TENM4: variants seen among roughly 807,000 people sequenced by gnomAD.
The protein encoded by TENM4 is teneurin-4.
Under a neutral mutation model 243.3 loss-of-function variants are expected in TENM4, and 82 were observed. The observed-to-expected ratio is 0.34, with a 90% confidence interval of 0.28 to 0.40. The LOEUF is 0.40. Ranked by LOEUF, TENM4 falls within the 10% of genes least tolerant of loss-of-function variation. The pLI is 1.00. For synonymous variants in TENM4, 1,412 were observed against 1,456.3 expected, an observed-to-expected ratio of 0.97 and a Z score of 0.69; for missense variants, 3,138 against 3,673.3, an observed-to-expected ratio of 0.85 and a Z score of 3.77.
chr11:78,923,204 G>A (rs1405098592), intron 6 of TENM4, among the ~76,000 whole-genome samples: 1 of 152,144 alleles, frequency 6.6e-6, no homozygotes, highest in African/African-American at 2.4e-5. Context: ...CCCGTGTTTG[G>A]TTTGATGGGC....
At chr11:79,196,748 A>C (rs1300788822) in intron 3 of TENM4, among the ~76,000 whole-genome samples, 2 of 152,152 alleles carry the variant, frequency 1.3e-5, no homozygotes, top group African/African-American at 4.8e-5. Context: ...GCTGCTCATC[A>C]AACAGAACAT....
At chr11:78,814,460 A>G (rs1857563561) in intron 12 of TENM4, 65 bp from the exon 13 acceptor site, 2 of 1,425,304 alleles carry the variant, frequency 1.4e-6, no homozygotes, top group South Asian at 2.5e-5. Context: ...GAGCCCAGGA[A>G]TCAAGCTTTA....
intron 1 of TENM4, among the ~76,000 whole-genome samples, chr11:79,379,933 G>T (rs890215622): frequency 1.3e-5 from 2 of 152,150 alleles, no homozygotes; most frequent in Non-Finnish European, 2.9e-5. Context: ...TCAGGGGCTG[G>T]GGGATCAAGA....
At chr11:79,031,255 T>C (rs1360731213) in intron 6 of TENM4, among the ~76,000 whole-genome samples, 3 of 152,152 alleles carry the variant, frequency 2.0e-5, no homozygotes, top group Admixed American at 6.5e-5. Context: ...AATGCCTACA[T>C]ACAGATAATG....
chr11:79,277,979 C>T (rs1297826801), intron 2 of TENM4, among the ~76,000 whole-genome samples: 1 of 152,194 alleles, frequency 6.6e-6, no homozygotes, highest in Non-Finnish European at 1.5e-5. Context: ...TGTCTTGCAA[C>T]TCCTTTCTAC....
chr11:79,325,392 C>G (rs61883570), intron 1 of TENM4, among the ~76,000 whole-genome samples: 4 of 152,110 alleles, frequency 2.6e-5, no homozygotes, highest in African/African-American at 9.7e-5. Context: ...TTAGAACTCA[C>G]AGCTGTTTGA....
At chr11:79,305,594 G>C (rs908408597) in intron 1 of TENM4, among the ~76,000 whole-genome samples, 1 of 152,210 alleles carries the variant, frequency 6.6e-6, no homozygotes, top group Non-Finnish European at 1.5e-5. Context: ...ATCCTGAGAA[G>C]TACAAGCTTT....
At chr11:78,951,055 C>T (rs192438791) in intron 6 of TENM4, among the ~76,000 whole-genome samples, 198 of 152,366 alleles carry the variant, frequency 1.3e-3, no homozygotes, top group African/African-American at 4.7e-3. Flanking sequence ...CATCAAACCC[C>T]GGGAAAATGC....
At chr11:79,342,347 G>A (rs562218903) in intron 1 of TENM4, among the ~76,000 whole-genome samples, 11 of 152,304 alleles carry the variant, frequency 7.2e-5, no homozygotes, top group African/African-American at 2.4e-4. Flanking sequence ...GGTGAGCAGA[G>A]GCACGGAAGA....
At chr11:78,802,564 C>G (rs1241492786) in intron 15 of TENM4, among the ~76,000 whole-genome samples, 3 of 152,234 alleles carry the variant, frequency 2.0e-5, no homozygotes, top group Non-Finnish European at 4.4e-5. Context: ...TGCTGGAAAG[C>G]AGGCTGCCCC....
chr11:78,976,415 A>T (rs1420276137), intron 6 of TENM4, among the ~76,000 whole-genome samples: 9 of 146,264 alleles, frequency 6.2e-5, no homozygotes, highest in South Asian at 2.1e-4. Context: ...TAAAAAGTTT[A>T]AAAAAAAAAC....
intron 1 of TENM4, among the ~76,000 whole-genome samples, chr11:79,306,265 A>C (rs747536070): frequency 6.6e-6 from 1 of 152,230 alleles, no homozygotes; most frequent in African/African-American, 2.4e-5. Context: ...TGAGTGCTGG[A>C]AAATGCTCAA....
chr11:78,687,383 G>T (rs940592447), intron 29 of TENM4, among the ~76,000 whole-genome samples: 7 of 152,190 alleles, frequency 4.6e-5, no homozygotes, highest in Admixed American at 1.3e-4. Context: ...GGTACAAAGA[G>T]CCATCCAGCG....
At chr11:78,815,019 T>C (rs1313675470) in intron 12 of TENM4, among the ~76,000 whole-genome samples, 1 of 152,130 alleles carries the variant, frequency 6.6e-6, no homozygotes, top group Admixed American at 6.5e-5. Context: ...ATCCTATCAC[T>C]CTCCTTAAAA....
intron 19 of TENM4, among the ~76,000 whole-genome samples, chr11:78,748,044 A>G (rs1216866897): frequency 1.3e-5 from 2 of 152,156 alleles, no homozygotes; most frequent in African/African-American, 2.4e-5. Context: ...CTGCCATCCT[A>G]AGGTGCTAGG....
intron 19 of TENM4, among the ~76,000 whole-genome samples, chr11:78,740,357 A>AC (rs1855892356): frequency 1.1e-5 from 1 of 93,902 alleles, no homozygotes; most frequent in Non-Finnish European, 2.2e-5. Flanking sequence ...CAGACTCCCC[A>AC]CCCCACCCCA....
At chr11:78,889,755 C>G in intron 9 of TENM4, 30 bp downstream of exon 9, 1 of 1,547,838 alleles carries the variant, frequency 6.5e-7, no homozygotes, top group Non-Finnish European at 8.7e-7. Flanking sequence ...CAAAGAGGAG[C>G]AAGGGGAGCT....
In TENM4 at chr11:78,756,826, C is replaced by T. The variant is rs1236221100; in HGVS notation, c.2735G>A (p.Gly912Glu). 3 of 1,613,710 alleles carry T rather than the reference C, an allele frequency of 1.9e-6. No individual in the cohort carries two copies. The highest frequency in any genetic ancestry group is 3.3e-5 in the Admixed American group (2 of 60,006). ...VGRDSTHIIPGENPFDGGHAC... is the reference protein window; with the variant it reads ...VGRDSTHIIPEENPFDGGHAC... ...TCACCCTCCATCAAAGGGGTTCTCCCCGGGGATTATGTGCGTGCTGTCCCT... is the reference window on the plus strand; with the variant it reads ...TCACCCTCCATCAAAGGGGTTCTCCTCGGGGATTATGTGCGTGCTGTCCCT... The change falls in exon 19 of 34, where the codon GGG (glycine) becomes GAG (glutamate). Residue 912 changes from glycine to glutamate, a missense_variant. Transcript: ENST00000278550.
chr11:78,666,369 G>A (rs939265003), intron 32 of TENM4, among the ~76,000 whole-genome samples: 8 of 152,110 alleles, frequency 5.3e-5, no homozygotes, highest in African/African-American at 4.8e-5. Flanking sequence ...TTTTGTCTTC[G>A]TGTTTTATTG....
Sources: gnomAD v4.1 joint callset for allele counts (sites outside exome capture counted in the v4.1 genomes callset) on GRCh38, gnomAD v4.1.1 for gene constraint, MANE v1.5 for transcripts, NCBI Gene and HGNC (gene_info 2026-07-23, HGNC 2026-07-21) for gene names.